Variants in COLEC11 observed in about 807,000 individuals in gnomAD.
The protein encoded by COLEC11 is collectin-11.
Under a neutral mutation model 27.3 loss-of-function variants are expected in COLEC11, and 20 were observed. That is an observed-to-expected ratio of 0.73 (90% CI 0.51 to 1.06). COLEC11 has a LOEUF of 1.06. Among genes scored for constraint, COLEC11 ranks in the 50% least tolerant of loss-of-function variants. The probability of loss-of-function intolerance (pLI) is 0.00; values close to 1 mark genes in which losing one functional copy is unlikely to be tolerated. For missense variants in COLEC11, 310 were observed against 383.0 expected (o/e 0.81, Z 1.59); for synonymous variants, 163 against 154.7 (o/e 1.05, Z -0.40).
chr2:3,637,095 C>T (rs557339221), intron 3 of COLEC11, among the ~76,000 whole-genome samples: 7 of 152,290 alleles, frequency 4.6e-5, no homozygotes, highest in African/African-American at 1.4e-4. Flanking sequence ...CCCACCAGAC[C>T]GTGTTCCTGA....
intron 3 of COLEC11, among the ~76,000 whole-genome samples, chr2:3,625,279 T>C (rs1040793202): frequency 6.6e-6 from 1 of 151,996 alleles, no homozygotes; most frequent in Non-Finnish European, 1.5e-5. Flanking sequence ...GCTTCCATGC[T>C]CAAGCAGGCC....
At chr2:3,609,673 G>T (rs898301954) in intron 2 of COLEC11, among the ~76,000 whole-genome samples, 4 of 152,052 alleles carry the variant, frequency 2.6e-5, no homozygotes, top group African/African-American at 9.7e-5. Context: ...GAGATTATAG[G>T]CACCCGCTAC....
In COLEC11 at chr2:3,644,031, G is replaced by A; in HGVS notation, c.729G>A (p.Val243=). 6.2e-7 allele frequency: 1 copy of A among 1,613,912 alleles called. No individual in the cohort carries two copies. The highest frequency in any genetic ancestry group is 8.5e-7 in the Non-Finnish European group (1 of 1,180,054). Residue 243 remains valine (V), a synonymous_variant, in exon 7 of 7, where the codon GTG becomes GTA. Transcript: ENST00000349077. ...ATGCCTACGACGAGGAGGACTGCGT[G>A]GAGATGGTGGCCTCGGGCGGCTGGA... ...PNNAYDEEDC[V]EMVASGGWND...
chr2:3,619,100 A>G (rs1360631234), intron 3 of COLEC11, among the ~76,000 whole-genome samples: 1 of 152,196 alleles, frequency 6.6e-6, no homozygotes, highest in African/African-American at 2.4e-5. Context: ...AGATTATGCC[A>G]TCTGCAAACA....
intron 5 of COLEC11, among the ~76,000 whole-genome samples, chr2:3,642,042 T>C (rs1266020573): frequency 6.6e-6 from 1 of 152,146 alleles, no homozygotes; most frequent in African/African-American, 2.4e-5. Context: ...GTCCAGGGAC[T>C]AGGAACAAAC....
At chr2:3,643,358 G>A (rs1666010344) in intron 5 of COLEC11, 86 bp from the exon 6 acceptor site, 2 of 1,117,340 alleles carry the variant, frequency 1.8e-6, no homozygotes, top group Non-Finnish European at 2.7e-6. Flanking sequence ...TGAGTAAAAT[G>A]TGCATTTCCG....
intron 3 of COLEC11, among the ~76,000 whole-genome samples, chr2:3,627,663 CGAT>C (rs1330997926): frequency 1.4e-5 from 2 of 146,938 alleles, no homozygotes; most frequent in African/African-American, 2.5e-5. Flanking sequence ...ACTCTGGGCA[CGAT>C]GACGCTGAGC....
intron 3 of COLEC11, among the ~76,000 whole-genome samples, chr2:3,630,540 A>G (rs1664927015): frequency 6.6e-6 from 1 of 152,150 alleles, no homozygotes; most frequent in African/African-American, 2.4e-5. Context: ...CCCTTTACAG[A>G]TTTTTTAAGA....
intron 3 of COLEC11, among the ~76,000 whole-genome samples, chr2:3,629,015 AG>A (rs986923312): frequency 3.3e-5 from 5 of 152,208 alleles, no homozygotes; most frequent in African/African-American, 1.2e-4. Flanking sequence ...AGCCAGCGGG[AG>A]GGGGCGTTGC....
Position 3,644,212 on chromosome 2 carries a change from C to T in COLEC11, c.*94C>T, listed in dbSNP as rs1666107142. On this transcript the variant is annotated 3_prime_UTR_variant, in exon 7 of 7. Coordinates refer to ENST00000349077, the MANE Select transcript of COLEC11 (RefSeq NM_024027.5). ...ACCATGGTGCCAGCCAGGGAGCTGT[C>T]CCTCTGTGAAGGGTGGAGGCTCACT... 1.3e-6 allele frequency: 2 copies of T among 1,526,098 alleles called. No homozygotes were observed. Among genetic ancestry groups the T allele is most frequent in the Non-Finnish European group, 1.8e-6 (2 of 1,116,670 alleles). 94.5% of individuals were successfully genotyped at this position (1,526,098 alleles called of 1,614,324 possible).
intron 2 of COLEC11, chr2:3,606,010 ATGTTGGAAGCAACTTAAAC>A (rs1662661766): frequency 6.8e-7 from 1 of 1,479,234 alleles, no homozygotes; most frequent in African/African-American, 1.4e-5. Flanking sequence ...ATGTTTAATT[ATGTTGGAAGCAACTTAAAC>A]TGTTGGATGC....
At chr2:3,633,128 G>A (rs1027293938) in intron 3 of COLEC11, among the ~76,000 whole-genome samples, 4 of 152,290 alleles carry the variant, frequency 2.6e-5, no homozygotes, top group Middle Eastern at 3.4e-3. Flanking sequence ...CCACTTTCCC[G>A]TCTTCCCACC....
intron 2 of COLEC11, among the ~76,000 whole-genome samples, chr2:3,608,843 C>T (rs1050744686): frequency 6.6e-6 from 1 of 152,228 alleles, no homozygotes. Context: ...ACTCTCTGGT[C>T]CTCAGTGCTG....
At position 3,629,637 on chromosome 2, in the gene COLEC11, G is replaced by A. The variant is rs147056028; in HGVS notation, c.203-7896G>A. 5.2e-3 allele frequency among the ~76,000 whole-genome samples: 797 copies of A among 152,266 alleles called. 4 individuals carry two copies. Among genetic ancestry groups the A allele is most frequent in the Middle Eastern group, 0.01 (3 of 294 alleles). ...GAGCATTTGTGTGTATGTGCATATA[G>A]CGTGTGTGTGAATAGTATGTATGTG... is the stretch of plus-strand genomic sequence containing the variant. On this transcript the variant is annotated intron_variant, in intron 3 of 6. Coordinates refer to ENST00000349077, the MANE Select transcript of COLEC11 (RefSeq NM_024027.5).
At chr2:3,613,145 C>T (rs1291973348) in intron 2 of COLEC11, among the ~76,000 whole-genome samples, 166 bp from the exon 3 acceptor site, 8 of 145,702 alleles carry the variant, frequency 5.5e-5, no homozygotes, top group Non-Finnish European at 1.2e-4. Context: ...CAGGGGCACC[C>T]AGAGTAGCGG....
chr2:3,604,653 G>A (rs1421434819), intron 2 of COLEC11, among the ~76,000 whole-genome samples, 183 bp downstream of exon 2: 1 of 152,148 alleles, frequency 6.6e-6, no homozygotes, highest in Non-Finnish European at 1.5e-5. Flanking sequence ...AACTGTCTTC[G>A]GCCATGGAAT....
In COLEC11 at chr2:3,635,305, G is replaced by A. The variant is rs114670432; in HGVS notation, c.203-2228G>A. Reference sequence around the variant, plus strand: ...TCCTGGGTGTCTCCCCAATCTGGGCGTTTTTCTTATCCTCCCAGAACCCGC... The same window carrying A: ...TCCTGGGTGTCTCCCCAATCTGGGCATTTTTCTTATCCTCCCAGAACCCGC... On this transcript the variant is annotated intron_variant, in intron 3 of 6. Transcript: ENST00000349077. Among the ~76,000 whole-genome samples, 384 of 152,052 alleles carry A rather than the reference G, an allele frequency of 2.5e-3. 1 individual carries two copies. Among genetic ancestry groups the A allele is most frequent in the African/African-American group, 8.5e-3 (352 of 41,478 alleles).
At position 3,635,569 on chromosome 2, in the gene COLEC11, C is replaced by A. The variant is rs182582379; in HGVS notation, c.203-1964C>A. On this transcript the variant is annotated intron_variant, in intron 3 of 6. Coordinates refer to ENST00000349077, the MANE Select transcript of COLEC11 (RefSeq NM_024027.5). ...CCCGTTGCCCCTTTTCTATTCCCTT[C>A]CCTCGCACGCACTGCAGTTGCTGGG... Among the ~76,000 whole-genome samples, 6 of 152,342 alleles carry A rather than the reference C, an allele frequency of 3.9e-5. No homozygotes were observed. In the East Asian group the frequency reaches 1.2e-3, roughly 29 times the overall value.
At chr2:3,611,216 G>GTAA (rs1417224295) in intron 2 of COLEC11, among the ~76,000 whole-genome samples, 5 of 152,048 alleles carry the variant, frequency 3.3e-5, no homozygotes, top group Admixed American at 2.6e-4. Flanking sequence ...AACAAAGCCT[G>GTAA]CATTTCTTAT....
Sources: allele counts gnomAD v4.1 joint callset (sites outside exome capture counted in the v4.1 genomes callset), GRCh38; gene constraint gnomAD v4.1.1; transcripts MANE v1.5; gene names NCBI Gene and HGNC (gene_info 2026-07-23, HGNC 2026-07-21).